The following LRP2 variants were observed in gnomAD, a reference collection of about 807,000 sequenced individuals.
LRP2 encodes low-density lipoprotein receptor-related protein 2.
A neutral mutation model predicts 531.0 loss-of-function variants in LRP2; 172 were observed. The ratio of observed to expected loss-of-function variants is 0.32; its 90% CI spans 0.29 to 0.37. The LOEUF is 0.37. LRP2 is among the 10% of genes least tolerant of loss of function. LRP2 has a pLI of 1.00. For missense variants in LRP2, 5,167 were observed against 5,868.3 expected, an observed-to-expected ratio of 0.88 and a Z score of 3.90; for synonymous variants, 1,992 against 2,027.6, an observed-to-expected ratio of 0.98 and a Z score of 0.47.
At chr2:169,215,846 A>C (rs1374525216) in intron 35 of LRP2, among the ~76,000 whole-genome samples, 1 of 149,448 alleles carries the variant, frequency 6.7e-6, no homozygotes, top group African/African-American at 2.4e-5. Context: ...TTTTATATAT[A>C]TATTCTCTCC....
rs368463648 is a variant in LRP2, at chr2:169,132,562, G to T, written c.13728+12C>A. 10 of 1,511,222 alleles carry T rather than the reference G, an allele frequency of 6.6e-6. No individual in the cohort carries two copies. In the Admixed American group the frequency reaches 1.3e-4, roughly 20 times the overall value. The allele number at this position is 1,511,222 out of a possible 1,614,324, so 93.6% of individuals were successfully genotyped here. A position where few individuals can be genotyped will look rare whatever the true frequency, so the allele number is the denominator to read the frequency against. ...CAAATCCCACATTATTTCAGGAGTCGGCAACTGTTACCTGAGTTCCATCAG... is the reference window on the plus strand; with the variant it reads ...CAAATCCCACATTATTTCAGGAGTCTGCAACTGTTACCTGAGTTCCATCAG... On this transcript the variant is annotated intron_variant, in intron 77 of 78. Coordinates refer to ENST00000649046, the MANE Select transcript of LRP2 (RefSeq NM_004525.3).
intron 21 of LRP2, among the ~76,000 whole-genome samples, chr2:169,245,642 G>A (rs1689977853): frequency 6.6e-6 from 1 of 151,964 alleles, no homozygotes; most frequent in South Asian, 2.1e-4. Flanking sequence ...TTCTGCAATA[G>A]TGTTTATTAG....
intron 16 of LRP2, among the ~76,000 whole-genome samples, chr2:169,261,591 G>A (rs937203999): frequency 1.3e-5 from 2 of 151,452 alleles, no homozygotes; most frequent in Admixed American, 6.6e-5. Context: ...CTGACTATGA[G>A]GAATATTTTA....
chr2:169,362,506 CT>C lies in LRP2; in HGVS notation c.-108del. ...AGCGAACGCTCCTTTAGGTCTGCAC[CT>C]CCGCCAGCTCCTAGTGGCCAAAAGC... is the stretch of plus-strand genomic sequence containing the variant. On this transcript the variant is annotated 5_prime_UTR_variant, in exon 1 of 79. Coordinates refer to ENST00000649046, the MANE Select transcript of LRP2 (RefSeq NM_004525.3). 1.0e-6 allele frequency: 1 copy of C among 966,632 alleles called. No individual in the cohort carries two copies. The highest frequency in any genetic ancestry group is 1.6e-6 in the Non-Finnish European group (1 of 629,948). The allele number at this position is 966,632 out of a possible 1,614,324, so 59.9% of individuals were successfully genotyped here. A position where few individuals can be genotyped will look rare whatever the true frequency, so the allele number is the denominator to read the frequency against.
intron 75 of LRP2, 113 bp from the exon 76 acceptor site, chr2:169,137,606 G>T: frequency 5.5e-6 from 3 of 547,668 alleles, no homozygotes; most frequent in East Asian, 4.2e-5. Flanking sequence ...ACACCTGGAG[G>T]TACGCTAGGT....
chr2:169,216,846 T>C (rs1284791872), intron 34 of LRP2, among the ~76,000 whole-genome samples: 1 of 152,172 alleles, frequency 6.6e-6, no homozygotes, highest in Non-Finnish European at 1.5e-5. Context: ...CTCATTTAAT[T>C]ATTCCCCAAA....
At chr2:169,295,135 T>A (rs1468785332) in intron 4 of LRP2, among the ~76,000 whole-genome samples, 1 of 152,130 alleles carries the variant, frequency 6.6e-6, no homozygotes. Flanking sequence ...CTGCACAAGC[T>A]TGGAAAAAAG....
At chr2:169,305,586 A>G (rs1225558761) in intron 4 of LRP2, among the ~76,000 whole-genome samples, 1 of 152,246 alleles carries the variant, frequency 6.6e-6, no homozygotes, top group African/African-American at 2.4e-5. Context: ...CGTTGGAGAC[A>G]TAATAACTGA....
At chr2:169,158,447 T>C (rs1431797849) in intron 63 of LRP2, among the ~76,000 whole-genome samples, 1 of 152,076 alleles carries the variant, frequency 6.6e-6, no homozygotes, top group Non-Finnish European at 1.5e-5. Flanking sequence ...ACCATTACTT[T>C]ATGTAACACT....
chr2:169,205,091 G>GA (rs1233134943), intron 41 of LRP2, among the ~76,000 whole-genome samples: 2 of 150,004 alleles, frequency 1.3e-5, no homozygotes, highest in East Asian at 1.9e-4. Context: ...CTAAAGCCCA[G>GA]AAAAAAACAT....
At chr2:169,285,661 C>T (rs563430168) in intron 9 of LRP2, among the ~76,000 whole-genome samples, 105 of 152,216 alleles carry the variant, frequency 6.9e-4, no homozygotes, top group East Asian at 9.7e-4. Context: ...GTGTGAAACC[C>T]CACCATGCTG....
intron 77 of LRP2, among the ~76,000 whole-genome samples, chr2:169,130,970 C>T (rs886356860): frequency 6.6e-6 from 1 of 152,196 alleles, no homozygotes; most frequent in African/African-American, 2.4e-5. Context: ...CAGTCCCCTT[C>T]CTGCACCAGC....
intron 52 of LRP2, among the ~76,000 whole-genome samples, chr2:169,178,326 C>T (rs758406937): frequency 3.9e-5 from 6 of 152,172 alleles, no homozygotes; most frequent in Non-Finnish European, 7.3e-5. Context: ...GCTGTTATAG[C>T]TGTTGTAGGT....
chr2:169,342,118 T>C (rs1685579547), intron 1 of LRP2, among the ~76,000 whole-genome samples: 1 of 150,354 alleles, frequency 6.7e-6, no homozygotes, highest in Non-Finnish European at 1.5e-5. Context: ...CAACTAGGAA[T>C]CAGTGAACTA....
intron 28 of LRP2, among the ~76,000 whole-genome samples, chr2:169,236,342 A>G (rs1399808614): frequency 1.3e-5 from 2 of 152,184 alleles, no homozygotes; most frequent in African/African-American, 2.4e-5. Flanking sequence ...AAATGTCTCA[A>G]TGCCAATTCA....
intron 52 of LRP2, among the ~76,000 whole-genome samples, chr2:169,180,018 A>G (rs1477766264): frequency 6.6e-6 from 1 of 152,196 alleles, no homozygotes; most frequent in African/African-American, 2.4e-5. Flanking sequence ...AATCTATATT[A>G]GATTTTATCA....
intron 1 of LRP2, among the ~76,000 whole-genome samples, chr2:169,342,212 A>C (rs1559084154): frequency 6.6e-6 from 1 of 152,056 alleles, no homozygotes; most frequent in Non-Finnish European, 1.5e-5. Flanking sequence ...AAAAAAAAAA[A>C]GTTGAATATT....
chr2:169,259,115 A>G lies in LRP2; in HGVS notation c.2423T>C (p.Ile808Thr). Residue 808 changes from isoleucine to threonine, a missense_variant, in exon 17 of 79, where the codon ATC becomes ACC. Around this residue, in one of 6 missense-constraint regions of LRP2, gnomAD observed 2,811 missense variants for 3,058.0 expected, o/e 0.92. Transcript: ENST00000649046. ...TTTATCAGCTAGCCTCATGACACTG[A>G]TACTCTTGTAATGAGAGTCTGTCCA... ...LYWTDSHYKS[I>T]SVMRLADKTR... 3 of 1,612,736 alleles carry G rather than the reference A, an allele frequency of 1.9e-6. No homozygotes were observed. The highest frequency in any genetic ancestry group is 2.5e-6 in the Non-Finnish European group (3 of 1,178,998).
At chr2:169,204,300 G>A in intron 41 of LRP2, 29 bp from the exon 42 acceptor site, 1 of 1,603,924 alleles carries the variant, frequency 6.2e-7, no homozygotes, top group South Asian at 1.1e-5. Flanking sequence ...AAATTTAGAA[G>A]TTGAAATCTC....
Sources: allele counts gnomAD v4.1 joint callset (sites outside exome capture counted in the v4.1 genomes callset), GRCh38; gene constraint gnomAD v4.1.1; regional missense constraint gnomAD v4.1.1; transcripts MANE v1.5; gene names NCBI Gene and HGNC (gene_info 2026-07-23, HGNC 2026-07-21).